Variants in CDKAL1 observed in about 807,000 individuals in gnomAD.
CDKAL1 encodes the protein CDKAL1 threonylcarbamoyladenosine tRNA methylthiotransferase.
In CDKAL1, 32 loss-of-function variants were observed where a neutral mutation model predicts 68.2. That is an observed-to-expected ratio of 0.47 (90% CI 0.35 to 0.63). The LOEUF (loss-of-function observed/expected upper bound fraction) is 0.63, where lower values mean the gene tolerates loss of function less well. Ranked by LOEUF, CDKAL1 falls within the 30% of genes least tolerant of loss-of-function variation. CDKAL1 has a pLI of 0.00. For synonymous variants in CDKAL1, 234 were observed against 244.3 expected, an observed-to-expected ratio of 0.96 and a Z score of 0.39; for missense variants, 606 against 696.7, an observed-to-expected ratio of 0.87 and a Z score of 1.47.
intron 10 of CDKAL1, among the ~76,000 whole-genome samples, chr6:20,998,745 T>C (rs545702161): frequency 2.2e-4 from 33 of 152,318 alleles, no homozygotes; most frequent in African/African-American, 7.0e-4. Context: ...AATTTAGTAG[T>C]CTATATGTAA....
chr6:20,586,085 A>G (rs575031202), intron 4 of CDKAL1, among the ~76,000 whole-genome samples: 65 of 152,328 alleles, frequency 4.3e-4, no homozygotes, highest in African/African-American at 1.5e-3. Flanking sequence ...CACTGAGTCT[A>G]TCAGCAAATC....
chr6:20,597,256 G>C (rs1765872178), intron 4 of CDKAL1, among the ~76,000 whole-genome samples: 1 of 150,458 alleles, frequency 6.6e-6, no homozygotes, highest in Non-Finnish European at 1.5e-5. Context: ...AGCCTCCCGA[G>C]TAGCTGGGAC....
At chr6:20,911,425 T>C (rs1234577369) in intron 9 of CDKAL1, among the ~76,000 whole-genome samples, 1 of 152,246 alleles carries the variant, frequency 6.6e-6, no homozygotes, top group Non-Finnish European at 1.5e-5. Flanking sequence ...TTCTTGTTGC[T>C]CTAGAATTCT....
At chr6:21,096,107 C>G (rs1447552092) in intron 12 of CDKAL1, among the ~76,000 whole-genome samples, 1 of 152,168 alleles carries the variant, frequency 6.6e-6, no homozygotes, top group Non-Finnish European at 1.5e-5. Flanking sequence ...GAGGAATCAT[C>G]ATAAAAACGA....
intron 8 of CDKAL1, among the ~76,000 whole-genome samples, chr6:20,829,781 C>T (rs1777639602): frequency 6.6e-6 from 1 of 152,200 alleles, no homozygotes; most frequent in African/African-American, 2.4e-5. Flanking sequence ...TCTACAAACA[C>T]TTTAGGTACT....
At chr6:20,592,619 C>T (rs1045193524) in intron 4 of CDKAL1, among the ~76,000 whole-genome samples, 10 of 152,128 alleles carry the variant, frequency 6.6e-5, no homozygotes, top group African/African-American at 2.4e-4. Context: ...CAGGCATGTG[C>T]CACCATGCCT....
chr6:21,003,371 T>TATATATATATATATATATATATAC, intron 11 of CDKAL1, among the ~76,000 whole-genome samples: 23 of 49,280 alleles, frequency 4.7e-4, no homozygotes, highest in Non-Finnish European at 6.5e-4. Flanking sequence ...TATATATATA[T>TATATATATATATATATATATATAC]ACACACACAC....
At chr6:20,983,596 C>A (rs1766275077) in intron 10 of CDKAL1, among the ~76,000 whole-genome samples, 1 of 152,118 alleles carries the variant, frequency 6.6e-6, no homozygotes, top group South Asian at 2.1e-4. Flanking sequence ...TGGCGCACAT[C>A]TATAATCCCA....
chr6:21,102,083 A>G (rs573238990), intron 12 of CDKAL1, among the ~76,000 whole-genome samples: 2 of 152,024 alleles, frequency 1.3e-5, no homozygotes, highest in South Asian at 4.2e-4. Flanking sequence ...TCGTCACTGT[A>G]TTTTTTCCAT....
At chr6:20,913,238 C>G (rs975137496) in intron 9 of CDKAL1, among the ~76,000 whole-genome samples, 6 of 152,032 alleles carry the variant, frequency 3.9e-5, no homozygotes, top group Non-Finnish European at 8.8e-5. Context: ...TAGCTTACCT[C>G]TACTCAGGGT....
chr6:20,787,627 T>A (rs757650341), intron 8 of CDKAL1, among the ~76,000 whole-genome samples: 2 of 152,186 alleles, frequency 1.3e-5, no homozygotes, highest in Non-Finnish European at 2.9e-5. Flanking sequence ...ACATACTGTC[T>A]CACTGTAGAT....
intron 10 of CDKAL1, among the ~76,000 whole-genome samples, chr6:20,968,556 G>A: frequency 6.6e-6 from 1 of 151,926 alleles, no homozygotes; most frequent in East Asian, 1.9e-4. Flanking sequence ...CCCATTATGT[G>A]TTTGTTGGTG....
intron 5 of CDKAL1, among the ~76,000 whole-genome samples, chr6:20,736,087 C>A (rs929324586): frequency 6.6e-6 from 1 of 151,984 alleles, no homozygotes; most frequent in African/African-American, 2.4e-5. Context: ...TACCTTCTAT[C>A]CCAGTGCTCA....
chr6:20,871,989 C>T (rs1760245011), intron 9 of CDKAL1, among the ~76,000 whole-genome samples: 1 of 152,000 alleles, frequency 6.6e-6, no homozygotes. Context: ...GAGTAGATGG[C>T]CAAACTAAAA....
In CDKAL1 at chr6:20,846,077, G is replaced by A. The variant is rs1778364840; in HGVS notation, c.641G>A (p.Cys214Tyr). The change falls in exon 9 of 16, where the codon TGT (cysteine) becomes TAT (tyrosine). Residue 214 changes from cysteine (C) to tyrosine (Y), a missense_variant and splice_region_variant. Coordinates refer to ENST00000274695, the MANE Select transcript of CDKAL1 (RefSeq NM_017774.3). ...LIEIISINTG[C>Y]LNACTYCKTK... ...ATTTATTGTTATCATTTGAACAGGT[G>A]TCTCAATGCTTGTACCTACTGCAAA... 1 of 1,602,480 alleles carries A rather than the reference G, an allele frequency of 6.2e-7. No homozygotes were observed. The highest frequency in any genetic ancestry group is 8.5e-7 in the Non-Finnish European group (1 of 1,172,554).
chr6:20,969,752 A>G (rs1283623803), intron 10 of CDKAL1, among the ~76,000 whole-genome samples: 3 of 152,088 alleles, frequency 2.0e-5, no homozygotes, highest in Non-Finnish European at 4.4e-5. Context: ...CTTTGCCTTT[A>G]CTTCCTGTTT....
rs1364626146 is a variant in CDKAL1, at chr6:21,158,317, A to G, written c.1300-39704A>G. Among the ~76,000 whole-genome samples, 4 of 152,186 alleles carry G rather than the reference A, an allele frequency of 2.6e-5. 1 individual carries two copies. The highest frequency in any genetic ancestry group is 6.3e-3 in the Middle Eastern group (2 of 316). On this transcript the variant is annotated intron_variant, in intron 13 of 15. Transcript: ENST00000274695. Reference sequence around the variant, plus strand: ...GCATCTGGAGAAGCTTAAGGTCCCAATGCATCAAATTATCTTGCTCAAACT... The same window carrying G: ...GCATCTGGAGAAGCTTAAGGTCCCAGTGCATCAAATTATCTTGCTCAAACT...
chr6:20,787,251 A>G (rs1775713860), intron 8 of CDKAL1, among the ~76,000 whole-genome samples: 1 of 152,170 alleles, frequency 6.6e-6, no homozygotes, highest in African/African-American at 2.4e-5. Flanking sequence ...TCTTGAATTT[A>G]TTATCATTTT....
chr6:20,784,726 G>T (rs1440597692), intron 8 of CDKAL1, among the ~76,000 whole-genome samples: 1 of 151,832 alleles, frequency 6.6e-6, no homozygotes, highest in Non-Finnish European at 1.5e-5. Context: ...CCTGGCCCCA[G>T]ATATTTTCAA....
Sources: allele counts gnomAD v4.1 joint callset (sites outside exome capture counted in the v4.1 genomes callset), GRCh38; gene constraint gnomAD v4.1.1; transcripts MANE v1.5; gene names NCBI Gene and HGNC (gene_info 2026-07-23, HGNC 2026-07-21).